Variants in PITPNC1 observed in about 807,000 individuals in gnomAD.
The protein encoded by PITPNC1 is phosphatidylinositol transfer protein cytoplasmic 1.
A neutral mutation model predicts 44.7 loss-of-function variants in PITPNC1; 18 were observed. The ratio of observed to expected loss-of-function variants is 0.40; its 90% CI spans 0.28 to 0.60. The LOEUF (loss-of-function observed/expected upper bound fraction) is 0.60, where lower values mean the gene tolerates loss of function less well. Ranked by LOEUF, PITPNC1 falls within the 20% of genes least tolerant of loss-of-function variation. The pLI, the probability that PITPNC1 is intolerant of heterozygous loss-of-function variation, is 0.39. For synonymous variants in PITPNC1, 141 were observed against 149.6 expected (o/e 0.94, Z 0.42); for missense variants, 290 against 418.4 (o/e 0.69, Z 2.68).
chr17:67,628,476 C>T (rs60283347), intron 5 of PITPNC1, among the ~76,000 whole-genome samples: 2,392 of 152,316 alleles, frequency 0.016, 66 homozygotes, highest in African/African-American at 0.054. Context: ...GTAAAGGGAA[C>T]TCCAAAGGAT....
At chr17:67,470,390 T>A (rs1034421957) in intron 1 of PITPNC1, among the ~76,000 whole-genome samples, 1 of 152,202 alleles carries the variant, frequency 6.6e-6, no homozygotes, top group Non-Finnish European at 1.5e-5. Context: ...GTCAATTACT[T>A]CTCTCTACCC....
intron 1 of PITPNC1, among the ~76,000 whole-genome samples, chr17:67,455,919 C>T (rs541887027): frequency 6.6e-6 from 1 of 152,174 alleles, no homozygotes; most frequent in South Asian, 2.1e-4. Context: ...ATTTTAAAAA[C>T]AATTCAAATA....
At chr17:67,515,329 G>T (rs540629802) in intron 1 of PITPNC1, among the ~76,000 whole-genome samples, 11 of 152,314 alleles carry the variant, frequency 7.2e-5, no homozygotes, top group Non-Finnish European at 1.3e-4. Flanking sequence ...AAGAAGATGT[G>T]CTGATTCGTT....
chr17:67,513,395 ATATC>A (rs1449372103), intron 1 of PITPNC1, among the ~76,000 whole-genome samples: 19 of 147,730 alleles, frequency 1.3e-4, no homozygotes, highest in African/African-American at 4.3e-4. Context: ...ATCTATATCT[ATATC>A]TATATCTACA....
At chr17:67,407,809 AAAAC>A (rs986902575) in intron 1 of PITPNC1, among the ~76,000 whole-genome samples, 4 of 152,128 alleles carry the variant, frequency 2.6e-5, no homozygotes, top group African/African-American at 9.7e-5. Flanking sequence ...AAAAAAAAGA[AAAAC>A]AAAAAAAACT....
chr17:67,489,456 A>G (rs1008130229), intron 1 of PITPNC1, among the ~76,000 whole-genome samples: 1 of 152,202 alleles, frequency 6.6e-6, no homozygotes, highest in Non-Finnish European at 1.5e-5. Flanking sequence ...GATTGTGGTC[A>G]CTATACAGTT....
chr17:67,692,608 C>A lies in PITPNC1; in HGVS notation c.719C>A (p.Ala240Asp), dbSNP rs778376435. ...TMDEVREFER[A>D]TQEATNKKIG... is the part of the protein sequence containing the mutation. ...GATGAAGTCCGAGAATTTGAACGAG[C>A]CACTCAGGAAGCCACCAACAAGAAA... The change falls in exon 9 of 9, where the codon GCC becomes GAC. Residue 240 changes from alanine (A) to aspartate (D), a missense_variant. Transcript: ENST00000581322. 2 of 1,613,358 alleles carry A rather than the reference C, an allele frequency of 1.2e-6. No homozygotes were observed. The highest frequency in any genetic ancestry group is 1.7e-6 in the Non-Finnish European group (2 of 1,179,516).
chr17:67,425,505 T>C (rs2038751334), intron 1 of PITPNC1, among the ~76,000 whole-genome samples: 1 of 136,738 alleles, frequency 7.3e-6, no homozygotes, highest in Non-Finnish European at 1.6e-5. Flanking sequence ...TTCTCTCTCA[T>C]TCGCTATTTC....
intron 5 of PITPNC1, among the ~76,000 whole-genome samples, chr17:67,627,933 T>G (rs1329811698): frequency 6.6e-6 from 1 of 151,068 alleles, no homozygotes; most frequent in Admixed American, 6.6e-5. Flanking sequence ...CTTTTTTGTT[T>G]TTTTTTTTTT....
At chr17:67,683,499 T>G (rs2042751553) in intron 8 of PITPNC1, among the ~76,000 whole-genome samples, 1 of 152,154 alleles carries the variant, frequency 6.6e-6, no homozygotes, top group African/African-American at 2.4e-5. Context: ...TCATACACAT[T>G]TATAGTCTGT....
intron 1 of PITPNC1, among the ~76,000 whole-genome samples, chr17:67,462,526 C>CT (rs1367413664): frequency 2.0e-5 from 3 of 146,632 alleles, no homozygotes; most frequent in Non-Finnish European, 4.5e-5. Context: ...GCCACCGTGC[C>CT]TGGCTGCACT....
At position 67,693,200 on chromosome 17, in the gene PITPNC1, G is replaced by T; in HGVS notation, c.*312G>T. ...TTTGGCATGGACTTCAAGGATAAAT[G>T]AATGAAAACTTTGCACCACTTTTGT... is the stretch of plus-strand genomic sequence containing the variant. On this transcript the variant is annotated 3_prime_UTR_variant, in exon 9 of 9. Transcript: ENST00000581322. The T allele has an allele frequency of 4.0e-6, 1 of 247,400 alleles. No homozygotes were observed. 15.3% of individuals were successfully genotyped at this position (247,400 alleles called of 1,614,324 possible).
chr17:67,562,208 G>A (rs541276182), intron 4 of PITPNC1, among the ~76,000 whole-genome samples: 1 of 152,350 alleles, frequency 6.6e-6, no homozygotes, highest in South Asian at 2.1e-4. Flanking sequence ...TCAGAGGACG[G>A]GAAGAGGATC....
intron 1 of PITPNC1, among the ~76,000 whole-genome samples, chr17:67,417,346 T>C (rs1249602629): frequency 6.6e-6 from 1 of 151,654 alleles, no homozygotes; most frequent in Non-Finnish European, 1.5e-5. Flanking sequence ...CCCAGGCTGG[T>C]CTCGAACTCC....
Position 67,692,739 on chromosome 17 carries a change from G to C in PITPNC1, c.850G>C (p.Ala284Pro), listed in dbSNP as rs762934912. Residue 284 changes from alanine to proline, a missense_variant, in exon 9 of 9, where the codon GCA becomes CCA. Transcript: ENST00000581322. ...SAPSTPLSTDAPEFLSVPKDR... is the reference protein window; with the variant it reads ...SAPSTPLSTDPPEFLSVPKDR... ...TCCATCCACCCCTCTCTCCACAGAC[G>C]CACCCGAATTTCTGTCCGTTCCCAA... The C allele has an allele frequency of 3.7e-6, 6 of 1,613,670 alleles. No homozygotes were observed.
At chr17:67,573,080 G>A (rs776922963) in intron 4 of PITPNC1, among the ~76,000 whole-genome samples, 9 of 152,302 alleles carry the variant, frequency 5.9e-5, no homozygotes, top group Non-Finnish European at 1.2e-4. Flanking sequence ...TTTAAGCCAC[G>A]CAGTTTGTGG....
At chr17:67,582,203 T>C (rs2041244485) in intron 5 of PITPNC1, among the ~76,000 whole-genome samples, 1 of 152,108 alleles carries the variant, frequency 6.6e-6, no homozygotes, top group Non-Finnish European at 1.5e-5. Context: ...AGCCAAGGAG[T>C]GTGCTGGTGT....
rs1207701608 is a variant in PITPNC1, at chr17:67,643,605, ATGTGG to A, written c.462+11370_462+11374del. On this transcript the variant is annotated intron_variant, in intron 6 of 8. Transcript: ENST00000581322. ...TCTGTGTCTAGATGATTCAGCCCTAATGTGGTGAGGGCCCTGGCTCTGGGAGCCTC... is the reference window on the plus strand; with the variant it reads ...TCTGTGTCTAGATGATTCAGCCCTAATGAGGGCCCTGGCTCTGGGAGCCTC... Among the ~76,000 whole-genome samples the A allele has an allele frequency of 8.7e-4, 133 of 152,326 alleles. 1 individual carries two copies. The highest frequency in any genetic ancestry group is 8.8e-5 in the Non-Finnish European group (6 of 68,024).
intron 6 of PITPNC1, among the ~76,000 whole-genome samples, chr17:67,663,579 A>AC (rs1863489830): frequency 6.7e-6 from 1 of 148,624 alleles, no homozygotes; most frequent in Admixed American, 6.7e-5. Flanking sequence ...AAAAAAAAGG[A>AC]CAAAAAAAAA....
Sources: allele counts gnomAD v4.1 joint callset (sites outside exome capture counted in the v4.1 genomes callset), GRCh38; gene constraint gnomAD v4.1.1; transcripts MANE v1.5; gene names NCBI Gene and HGNC (gene_info 2026-07-23, HGNC 2026-07-21).